The following DLG2 variants were observed in gnomAD, a reference collection of about 807,000 sequenced individuals.
DLG2 encodes discs large MAGUK scaffold protein 2.
DLG2 carries 45 observed loss-of-function variants against 132.5 expected under a neutral mutation model. The ratio of observed to expected loss-of-function variants is 0.34; its 90% CI spans 0.27 to 0.44. The LOEUF (loss-of-function observed/expected upper bound fraction) is 0.44, where lower values mean the gene tolerates loss of function less well. Ranked by LOEUF, DLG2 falls within the 20% of genes least tolerant of loss-of-function variation. The pLI is 1.00. For missense variants in DLG2, 1,045 were observed against 1,196.9 expected (o/e 0.87, Z 1.87); for synonymous variants, 424 against 419.6 (o/e 1.01, Z -0.13).
intron 6 of DLG2, among the ~76,000 whole-genome samples, chr11:85,019,558 G>A (rs2059857273): frequency 6.6e-6 from 1 of 152,016 alleles, no homozygotes; most frequent in Non-Finnish European, 1.5e-5. Flanking sequence ...CCATGTTGGT[G>A]TGCTGCACCC....
In DLG2 at chr11:85,093,749, G is replaced by A. The variant is rs547729030; in HGVS notation, c.357+17912C>T. 2.6e-4 allele frequency among the ~76,000 whole-genome samples: 39 copies of A among 152,268 alleles called. No individual in the cohort carries two copies. The East Asian group carries it at 4.5e-3, about 17-fold the overall frequency. On this transcript the variant is annotated intron_variant, in intron 6 of 27. Transcript: ENST00000376104. ...CCCCCATGTTCAGTTACCCCCGACT[G>A]GGTCCCTCACATGACTTGTGGGAAT...
intron 18 of DLG2, among the ~76,000 whole-genome samples, chr11:83,672,526 T>A (rs541212250): frequency 6.6e-6 from 1 of 152,280 alleles, no homozygotes; most frequent in Non-Finnish European, 1.5e-5. Flanking sequence ...TTACTTATTT[T>A]GGGAAGATTG....
chr11:83,928,831 G>A (rs924951217), intron 15 of DLG2, among the ~76,000 whole-genome samples: 1 of 152,158 alleles, frequency 6.6e-6, no homozygotes, highest in Non-Finnish European at 1.5e-5. Flanking sequence ...GCCTGGCACA[G>A]AAGAGCTCAA....
rs575125457 is a variant in DLG2 at position 83,623,456 on chromosome 11, G to A, written c.1940+9755C>T. On this transcript the variant is annotated intron_variant, in intron 19 of 27. Transcript: ENST00000376104. ...GCAGTTACTATATGCCAGACTGTCC[G>A]GAAGCAGAATTTAAGGAGATGAAAT... Among the ~76,000 whole-genome samples, 10 of 152,230 alleles carry A rather than the reference G, an allele frequency of 6.6e-5. No homozygotes were observed. The South Asian group carries it at 1.2e-3, about 19-fold the overall frequency.
chr11:84,198,801 T>C (rs999261676), intron 8 of DLG2, among the ~76,000 whole-genome samples: 2 of 152,120 alleles, frequency 1.3e-5, no homozygotes, highest in Non-Finnish European at 2.9e-5. Context: ...ATAGTTGACT[T>C]TGCACTCATG....
chr11:85,265,928 C>T (rs1283366605), intron 4 of DLG2, among the ~76,000 whole-genome samples: 1 of 152,156 alleles, frequency 6.6e-6, no homozygotes, highest in Non-Finnish European at 1.5e-5. Context: ...CCCCATTCAC[C>T]ATCCTTTGAT....
intron 3 of DLG2, among the ~76,000 whole-genome samples, chr11:85,486,261 A>G (rs2093426795): frequency 6.6e-6 from 1 of 152,010 alleles, no homozygotes; most frequent in Non-Finnish European, 1.5e-5. Flanking sequence ...GGCTGCTGTG[A>G]GACCAGAGCA....
chr11:84,730,277 G>A (rs2063002512), intron 6 of DLG2, among the ~76,000 whole-genome samples: 1 of 151,972 alleles, frequency 6.6e-6, no homozygotes, highest in Admixed American at 6.6e-5. Context: ...AGGGGAGGAG[G>A]TTGTTGAGTA....
At chr11:84,397,505 C>A (rs1439980260) in intron 7 of DLG2, among the ~76,000 whole-genome samples, 5 of 152,158 alleles carry the variant, frequency 3.3e-5, no homozygotes, top group African/African-American at 1.2e-4. Context: ...CGGGCCATGT[C>A]CAGGCCTCCT....
In DLG2 at chr11:83,668,728, C is replaced by CAT. The variant is rs1555312566; in HGVS notation, c.1826-35405_1826-35404dup. Among the ~76,000 whole-genome samples, 3 of 131,036 alleles carry CAT rather than the reference C, an allele frequency of 2.3e-5. 1 individual carries two copies. The highest frequency in any genetic ancestry group is 4.7e-5 in the Non-Finnish European group (3 of 63,532). 86.0% of individuals were successfully genotyped at this position (131,036 alleles called of 152,430 possible). On this transcript the variant is annotated intron_variant, in intron 18 of 27. Coordinates refer to ENST00000376104, the MANE Select transcript of DLG2 (RefSeq NM_001142699.3). Reference sequence around the variant, plus strand: ...ACACATATATATGTGTATATAAACACATATATATGTGTATATAAACACACA... The same window carrying CAT: ...ACACATATATATGTGTATATAAACACATATATATATGTGTATATAAACACACA...
At chr11:84,735,450 G>T (rs2063706493) in intron 6 of DLG2, among the ~76,000 whole-genome samples, 1 of 152,042 alleles carries the variant, frequency 6.6e-6, no homozygotes, top group Non-Finnish European at 1.5e-5. Flanking sequence ...ATTCTCTGAT[G>T]GTAGTTTGTA....
At chr11:84,753,486 C>A (rs1438173340) in intron 6 of DLG2, among the ~76,000 whole-genome samples, 1 of 152,078 alleles carries the variant, frequency 6.6e-6, no homozygotes, top group Non-Finnish European at 1.5e-5. Context: ...GTGGTAGGCT[C>A]TGAGGAACAT....
intron 19 of DLG2, among the ~76,000 whole-genome samples, chr11:83,585,894 T>C (rs954614493): frequency 1.5e-4 from 23 of 152,140 alleles, no homozygotes; most frequent in Non-Finnish European, 1.3e-4. Context: ...AGGATGGGGC[T>C]TGGGAAACCT....
chr11:83,916,508 G>A (rs1201366283), intron 15 of DLG2, among the ~76,000 whole-genome samples: 2 of 151,872 alleles, frequency 1.3e-5, no homozygotes, highest in East Asian at 1.9e-4. Flanking sequence ...TAGAGATGGG[G>A]TTTCACCATG....
At chr11:84,180,183 A>T (rs2154278863) in intron 8 of DLG2, among the ~76,000 whole-genome samples, 1 of 152,274 alleles carries the variant, frequency 6.6e-6, no homozygotes, top group South Asian at 2.1e-4. Context: ...AAGTAGAGAG[A>T]TACATTCTAG....
intron 7 of DLG2, among the ~76,000 whole-genome samples, chr11:84,403,798 T>G (rs1450310210): frequency 2.6e-5 from 4 of 152,128 alleles, no homozygotes; most frequent in Non-Finnish European, 5.9e-5. Flanking sequence ...CACCTTTGCT[T>G]TCACATCTCC....
At chr11:83,908,740 A>ATT (rs11424853) in intron 15 of DLG2, among the ~76,000 whole-genome samples, 26 of 147,718 alleles carry the variant, frequency 1.8e-4, no homozygotes, top group African/African-American at 4.5e-4. Context: ...AATATGCAGC[A>ATT]TTTTTTTTTT....
At chr11:84,053,474 T>A (rs921719338) in intron 11 of DLG2, among the ~76,000 whole-genome samples, 4 of 151,948 alleles carry the variant, frequency 2.6e-5, no homozygotes, top group Non-Finnish European at 5.9e-5. Context: ...GTATTTTATA[T>A]TAAATATTAT....
chr11:84,526,840 G>T (rs1458263615), intron 7 of DLG2, among the ~76,000 whole-genome samples: 1 of 146,908 alleles, frequency 6.8e-6, no homozygotes, highest in East Asian at 2.0e-4. Flanking sequence ...GTGCAGTGGC[G>T]CAATCTCGGC....
Sources: gnomAD v4.1 joint callset for allele counts (sites outside exome capture counted in the v4.1 genomes callset) on GRCh38, gnomAD v4.1.1 for gene constraint, MANE v1.5 for transcripts, NCBI Gene and HGNC (gene_info 2026-07-23, HGNC 2026-07-21) for gene names.